The following FAT3 variants were observed in gnomAD, a reference collection of about 807,000 sequenced individuals.
The protein encoded by FAT3 is protocadherin Fat 3.
A neutral mutation model predicts 310.2 loss-of-function variants in FAT3; 95 were observed. The ratio of observed to expected loss-of-function variants is 0.31; its 90% CI spans 0.26 to 0.36. The LOEUF (loss-of-function observed/expected upper bound fraction) is 0.36, where lower values mean the gene tolerates loss of function less well. FAT3 is among the 10% of genes least tolerant of loss of function. The pLI, the probability that FAT3 is intolerant of heterozygous loss-of-function variation, is 1.00. For synonymous variants in FAT3, 2,314 were observed against 2,192.9 expected (o/e 1.06, Z -1.54); for missense variants, 5,408 against 5,715.6 (o/e 0.95, Z 1.74).
At chr11:92,867,347 T>C in intron 22 of FAT3, 138 bp downstream of exon 22, 1 of 919,184 alleles carries the variant, frequency 1.1e-6, no homozygotes, top group Non-Finnish European at 1.6e-6. Flanking sequence ...GCCAACCTTC[T>C]TAATCTGCTT....
chr11:92,565,277 GAA>G (rs1955387782), intron 3 of FAT3, among the ~76,000 whole-genome samples: 1 of 151,482 alleles, frequency 6.6e-6, no homozygotes, highest in Non-Finnish European at 1.5e-5. Flanking sequence ...AAATAAACTA[GAA>G]AATCTAGAAG....
chr11:92,754,684 G>A (rs374586851), intron 4 of FAT3, among the ~76,000 whole-genome samples: 9 of 122,328 alleles, frequency 7.4e-5, no homozygotes, highest in Admixed American at 4.3e-4. Context: ...GTGAAAACCC[G>A]TCTCTACTAA....
At chr11:92,485,844 G>A (rs1464824387) in intron 2 of FAT3, among the ~76,000 whole-genome samples, 1 of 152,138 alleles carries the variant, frequency 6.6e-6, no homozygotes, top group African/African-American at 2.4e-5. Context: ...TTTGATGACA[G>A]GACTTCTGAT....
At chr11:92,744,378 G>C (rs1300316261) in intron 4 of FAT3, among the ~76,000 whole-genome samples, 1 of 152,094 alleles carries the variant, frequency 6.6e-6, no homozygotes, top group Non-Finnish European at 1.5e-5. Context: ...TTGTTATCAA[G>C]ACCTCAAACC....
chr11:92,302,910 G>A (rs1001268210), intron 1 of FAT3, among the ~76,000 whole-genome samples: 18 of 152,040 alleles, frequency 1.2e-4, no homozygotes, highest in African/African-American at 4.3e-4. Flanking sequence ...ACAGATTCAG[G>A]CTTTGTCATC....
intron 18 of FAT3, among the ~76,000 whole-genome samples, chr11:92,841,598 TA>T (rs1948551607): frequency 6.6e-6 from 1 of 152,194 alleles, no homozygotes; most frequent in Non-Finnish European, 1.5e-5. Flanking sequence ...CAATATTGTG[TA>T]AATAATTTTA....
At chr11:92,513,973 G>A (rs1236833042) in intron 2 of FAT3, among the ~76,000 whole-genome samples, 1 of 152,088 alleles carries the variant, frequency 6.6e-6, no homozygotes, top group Admixed American at 6.6e-5. Context: ...ATGGGGATAT[G>A]GCTAGAAAGT....
intron 2 of FAT3, among the ~76,000 whole-genome samples, chr11:92,363,879 A>G (rs546572351): frequency 4.4e-4 from 67 of 152,314 alleles, no homozygotes; most frequent in African/African-American, 1.6e-3. Flanking sequence ...TGAACTTTGT[A>G]GTTGTCATGT....
chr11:92,646,017 G>A (rs1332393712), intron 3 of FAT3, among the ~76,000 whole-genome samples: 1 of 152,116 alleles, frequency 6.6e-6, no homozygotes, highest in African/African-American at 2.4e-5. Flanking sequence ...TGACTGATTT[G>A]CTATCAATTG....
intron 2 of FAT3, among the ~76,000 whole-genome samples, chr11:92,522,100 C>G (rs1953705584): frequency 6.6e-6 from 1 of 152,156 alleles, no homozygotes; most frequent in African/African-American, 2.4e-5. Flanking sequence ...GAAGAGGTGC[C>G]TTGCAGAGAC....
intron 4 of FAT3, among the ~76,000 whole-genome samples, chr11:92,719,549 T>C (rs946674434): frequency 6.6e-6 from 1 of 152,082 alleles, no homozygotes; most frequent in African/African-American, 2.4e-5. Flanking sequence ...CCTAATACAG[T>C]GTAAATACCA....
Position 92,615,368 on chromosome 11 carries a change from T to A in FAT3, c.3608-82016T>A, listed in dbSNP as rs181371996. 3.9e-3 allele frequency among the ~76,000 whole-genome samples: 601 copies of A among 152,296 alleles called. 3 individuals are homozygous for A. The highest frequency in any genetic ancestry group is 6.4e-3 in the South Asian group (31 of 4,822). The stretch of plus-strand genomic sequence containing the variant: ...TTCAAGCAATTCTCCCGCCTCAGCC[T>A]CCCAAGTAGCTGGGGTTACAGGCAC... On this transcript the variant is annotated intron_variant, in intron 3 of 27. Coordinates refer to ENST00000525166, the MANE Select transcript of FAT3 (RefSeq NM_001367949.2).
At chr11:92,666,892 T>G (rs1942972103) in intron 3 of FAT3, among the ~76,000 whole-genome samples, 1 of 152,114 alleles carries the variant, frequency 6.6e-6, no homozygotes, top group South Asian at 2.1e-4. Flanking sequence ...CTCCTCACAC[T>G]CCATTGGTTG....
At chr11:92,640,855 T>G (rs1476434233) in intron 3 of FAT3, among the ~76,000 whole-genome samples, 1 of 152,188 alleles carries the variant, frequency 6.6e-6, no homozygotes, top group Non-Finnish European at 1.5e-5. Context: ...TGAATGTGGC[T>G]TCCTGTCCAT....
intron 3 of FAT3, among the ~76,000 whole-genome samples, chr11:92,653,434 A>G (rs1336149794): frequency 6.6e-6 from 1 of 152,086 alleles, no homozygotes; most frequent in Non-Finnish European, 1.5e-5. Context: ...AAGCTGATAG[A>G]TAAGCTCCTT....
intron 3 of FAT3, among the ~76,000 whole-genome samples, chr11:92,558,293 T>C (rs1318434173): frequency 2.8e-5 from 4 of 142,486 alleles, no homozygotes; most frequent in African/African-American, 7.5e-5. Context: ...TTTCCATTCC[T>C]GAAGATAAGC....
Position 92,801,491 on chromosome 11 carries a change from G to A in FAT3, c.8478G>A (p.Gly2826=). ...GCTATGACACCATTATAATGGAAGG[G>A]ATGCCTGTTGGCACCAAACTCACAC... is the stretch of plus-strand genomic sequence containing the variant. The part of the protein sequence containing the change: ...TSSYDTIIME[G]MPVGTKLTQV... The change falls in exon 10 of 28, where the codon GGG becomes GGA. Residue 2826 remains glycine (G), a synonymous_variant. Coordinates refer to ENST00000525166, the MANE Select transcript of FAT3 (RefSeq NM_001367949.2). The A allele has an allele frequency of 6.2e-7, 1 of 1,612,796 alleles. No homozygotes were observed. Among genetic ancestry groups the A allele is most frequent in the Admixed American group, 1.7e-5 (1 of 59,846 alleles).
chr11:92,739,552 C>G (rs1324892223), intron 4 of FAT3, among the ~76,000 whole-genome samples: 1 of 152,200 alleles, frequency 6.6e-6, no homozygotes, highest in Non-Finnish European at 1.5e-5. Flanking sequence ...AGAACATTCT[C>G]TACATATTTT....
intron 23 of FAT3, 47 bp from the exon 24 acceptor site, chr11:92,882,691 G>C (rs1949700066): frequency 1.3e-6 from 2 of 1,524,082 alleles, no homozygotes; most frequent in Admixed American, 4.0e-5. Flanking sequence ...ATACCAACGT[G>C]TGTGCACTGG....
Sources: gnomAD v4.1 joint callset for allele counts (sites outside exome capture counted in the v4.1 genomes callset) on GRCh38, gnomAD v4.1.1 for gene constraint, MANE v1.5 for transcripts, NCBI Gene and HGNC (gene_info 2026-07-23, HGNC 2026-07-21) for gene names.